Variants in ABCC6 observed in about 807,000 individuals in gnomAD.
ABCC6 encodes the protein ATP-binding cassette sub-family C member 6.
Under a neutral mutation model 169.5 loss-of-function variants are expected in ABCC6, and 126 were observed. That is an observed-to-expected ratio of 0.74 (90% CI 0.64 to 0.86). The LOEUF (loss-of-function observed/expected upper bound fraction) is 0.86, where lower values mean the gene tolerates loss of function less well. Among genes scored for constraint, ABCC6 ranks in the 40% least tolerant of loss-of-function variants. ABCC6 has a pLI of 0.00. For synonymous variants in ABCC6, 752 were observed against 814.7 expected, an observed-to-expected ratio of 0.92 and a Z score of 1.31; for missense variants, 1,733 against 1,927.2, an observed-to-expected ratio of 0.90 and a Z score of 1.89.
At chr16:16,170,337 T>C (rs8043862) in intron 21 of ABCC6, among the ~76,000 whole-genome samples, 148,702 of 152,166 alleles carry the variant, frequency 0.98, 72,743 homozygotes, top group East Asian at 1. Context: ...TGGCCTCAAG[T>C]GATCCTCCCT....
At chr16:16,176,489 T>C (rs974808389) in intron 19 of ABCC6, among the ~76,000 whole-genome samples, 13 of 152,226 alleles carry the variant, frequency 8.5e-5, no homozygotes, top group Non-Finnish European at 1.8e-4. Context: ...TTTGGGGGGC[T>C]ATTTGTTACA....
intron 29 of ABCC6, among the ~76,000 whole-genome samples, chr16:16,151,391 A>G (rs1354387891): frequency 2.0e-5 from 3 of 152,174 alleles, no homozygotes; most frequent in South Asian, 2.1e-4. Context: ...AGAAATCATC[A>G]TACTATTTTC....
chr16:16,189,125 T>A, intron 12 of ABCC6, 151 bp from the exon 13 acceptor site: 1 of 878,034 alleles, frequency 1.1e-6, no homozygotes, highest in Non-Finnish European at 1.8e-6. Flanking sequence ...CCAGTCCTGC[T>A]AACACATGTC....
intron 29 of ABCC6, among the ~76,000 whole-genome samples, chr16:16,153,289 G>C (rs905522553): frequency 2.0e-5 from 3 of 152,190 alleles, no homozygotes; most frequent in African/African-American, 7.2e-5. Flanking sequence ...GAAACAGCCT[G>C]GGTATCTACT....
At chr16:16,178,770 A>G in intron 18 of ABCC6, 28 bp downstream of exon 18, 1 of 1,613,628 alleles carries the variant, frequency 6.2e-7, no homozygotes, top group Non-Finnish European at 8.5e-7. Context: ...TTTGCCCTGT[A>G]CTGTCTGACA....
rs57866002 is a variant in ABCC6, at chr16:16,182,816, G to A, written c.2058C>T (p.Phe686=). ...GGGGTGGCCTCACCTCGATGCTCACGAACCCCTCCACCTTTGACAGCTCCC... is the reference window on the plus strand; with the variant it reads ...GGGGTGGCCTCACCTCGATGCTCACAAACCCCTCCACCTTTGACAGCTCCC... ...LLGELSKVEG[F]VSIEGAVAYV... is the part of the protein sequence containing the mutation. Residue 686 remains phenylalanine (F), a synonymous_variant, in exon 16 of 31, where the codon TTC becomes TTT. Coordinates refer to ENST00000205557, the MANE Select transcript of ABCC6 (RefSeq NM_001171.6). The A allele has an allele frequency of 9.3e-6, 15 of 1,613,878 alleles. No homozygotes were observed. The highest frequency in any genetic ancestry group is 6.7e-5 in the African/African-American group (5 of 74,868).
At chr16:16,208,592 T>C in intron 7 of ABCC6, 136 bp downstream of exon 7, 1 of 1,430,258 alleles carries the variant, frequency 7.0e-7, no homozygotes, top group Non-Finnish European at 9.8e-7. Flanking sequence ...CAGATTGGTC[T>C]TGAACTCCTG....
At chr16:16,187,073 C>A (rs1227623371) in intron 14 of ABCC6, 51 bp downstream of exon 14, 2 of 1,511,914 alleles carry the variant, frequency 1.3e-6, no homozygotes, top group South Asian at 2.3e-5. Flanking sequence ...CTGGGGTGGC[C>A]CCCACATCCC....
chr16:16,150,311 A>C, intron 30 of ABCC6, 70 bp from the exon 31 acceptor site: 1 of 1,605,992 alleles, frequency 6.2e-7, no homozygotes. Flanking sequence ...GTGAGAGCCC[A>C]GTGTGTCTGC....
intron 7 of ABCC6, among the ~76,000 whole-genome samples, chr16:16,207,679 C>T (rs1385753095): frequency 6.6e-6 from 1 of 152,222 alleles, no homozygotes; most frequent in East Asian, 1.9e-4. Flanking sequence ...TCCTAAAACA[C>T]CAAGATCCGG....
intron 20 of ABCC6, among the ~76,000 whole-genome samples, chr16:16,174,100 A>G (rs1161621955): frequency 1.3e-5 from 2 of 152,156 alleles, no homozygotes; most frequent in African/African-American, 4.8e-5. Flanking sequence ...ATACATGTCT[A>G]CCTACCTTCT....
At chr16:16,168,441 G>A (rs1313713316) in intron 22 of ABCC6, among the ~76,000 whole-genome samples, 1 of 152,174 alleles carries the variant, frequency 6.6e-6, no homozygotes, top group African/African-American at 2.4e-5. Flanking sequence ...AGCCGAGTTC[G>A]TGCCACTGCA....
At chr16:16,162,747 AAGAGGT>A (rs2046757609) in intron 24 of ABCC6, among the ~76,000 whole-genome samples, 1 of 152,146 alleles carries the variant, frequency 6.6e-6, no homozygotes. Context: ...ACCAAGGCAA[AAGAGGT>A]TGATCCAGTT....
chr16:16,155,507 T>C (rs1407961683), intron 27 of ABCC6: 1 of 175,376 alleles, frequency 5.7e-6, no homozygotes, highest in Non-Finnish European at 1.2e-5. Flanking sequence ...TATCCGTCTC[T>C]CGTTTCTTCT....
chr16:16,192,680 C>G, intron 11 of ABCC6, 150 bp downstream of exon 11: 3 of 724,202 alleles, frequency 4.1e-6, no homozygotes, highest in Non-Finnish European at 7.4e-6. Context: ...GGAGGGGGTG[C>G]AGGTCTGAGT....
chr16:16,221,339 T>C, intron 2 of ABCC6: 1 of 1,392,158 alleles, frequency 7.2e-7, no homozygotes. Context: ...AATTACCTTG[T>C]GTATCCAAGA....
intron 14 of ABCC6, among the ~76,000 whole-genome samples, chr16:16,186,180 C>T (rs1431363516): frequency 6.6e-6 from 1 of 152,008 alleles, no homozygotes. Flanking sequence ...TGTCTTGGCC[C>T]GTGGCATAAA....
intron 7 of ABCC6, among the ~76,000 whole-genome samples, chr16:16,206,174 A>G (rs2048386036): frequency 6.6e-6 from 1 of 152,222 alleles, no homozygotes; most frequent in African/African-American, 2.4e-5. Flanking sequence ...CCTCTCCTGC[A>G]GGTCTCACCT....
rs553479685 is a variant in ABCC6 at position 16,163,041 on chromosome 16, C to T, written c.3458G>A (p.Arg1153His). The T allele has an allele frequency of 5.1e-5, 82 of 1,614,052 alleles. No homozygotes were observed. The highest frequency in any genetic ancestry group is 1.6e-4 in the African/African-American group (12 of 75,060). ...ACTGATCCTCTGGCTTTCATCTACG[C>T]GAGCATTGTTCTGAGCCACAAAGGG... ...QAPFVAQNNA[R>H]VDESQRISFP... Residue 1153 changes from arginine (R) to histidine (H), a missense_variant, in exon 24 of 31, where the codon CGC (arginine) becomes CAC (histidine). This residue lies in a region of ABCC6 where 1,601 missense variants were observed against 1,635.5 expected (regional missense o/e 0.98). Coordinates refer to ENST00000205557, the MANE Select transcript of ABCC6 (RefSeq NM_001171.6).
Sources: gnomAD v4.1 joint callset for allele counts (sites outside exome capture counted in the v4.1 genomes callset) on GRCh38, gnomAD v4.1.1 for gene constraint, gnomAD v4.1.1 regional missense constraint, MANE v1.5 for transcripts, NCBI Gene and HGNC (gene_info 2026-07-23, HGNC 2026-07-21) for gene names.